ARFGAP3: variants seen among roughly 807,000 people sequenced by gnomAD.
ARFGAP3 encodes ARF GTPase activating protein 3.
In ARFGAP3, 72 loss-of-function variants were observed where a neutral mutation model predicts 75.0. The observed-to-expected ratio is 0.96, with a 90% CI of 0.79 to 1.17. The LOEUF is 1.17. Ranked by LOEUF, ARFGAP3 falls within the 50% of genes most tolerant of loss-of-function variation. The pLI is 0.00. For missense variants in ARFGAP3, 620 were observed against 626.6 expected, an observed-to-expected ratio of 0.99 and a Z score of 0.11; for synonymous variants, 221 against 217.9, an observed-to-expected ratio of 1.01 and a Z score of -0.13.
intron 1 of ARFGAP3, among the ~76,000 whole-genome samples, chr22:42,850,372 G>C (rs1927222431): frequency 2.6e-5 from 4 of 151,778 alleles, no homozygotes; most frequent in Admixed American, 2.6e-4. Context: ...AAGAGTTTGA[G>C]ACCAGCCTGG....
chr22:42,823,554 A>C, intron 8 of ARFGAP3, 102 bp downstream of exon 8: 2 of 848,088 alleles, frequency 2.4e-6, no homozygotes, highest in Non-Finnish European at 3.6e-6. Context: ...AGCTACATTT[A>C]TTACAAGATG....
intron 3 of ARFGAP3, among the ~76,000 whole-genome samples, chr22:42,836,834 C>G (rs1280820472): frequency 6.6e-6 from 1 of 152,144 alleles, no homozygotes; most frequent in Non-Finnish European, 1.5e-5. Flanking sequence ...CTACACTTTA[C>G]AGATGGGGAA....
At chr22:42,848,438 G>C (rs1927122344) in intron 1 of ARFGAP3, among the ~76,000 whole-genome samples, 1 of 152,132 alleles carries the variant, frequency 6.6e-6, no homozygotes, top group South Asian at 2.1e-4. Flanking sequence ...TCGATCTCCT[G>C]ACCTCGTGAT....
At chr22:42,816,353 CAAGT>C (rs1319579913) in intron 11 of ARFGAP3, among the ~76,000 whole-genome samples, 2 of 152,178 alleles carry the variant, frequency 1.3e-5, no homozygotes, top group Admixed American at 1.3e-4. Context: ...GCCTAGGTGA[CAAGT>C]AAGTGAAAGC....
Position 42,812,517 on chromosome 22 carries a change from A to G in ARFGAP3, c.1065-1573T>C, listed in dbSNP as rs866387816. 2.0e-5 allele frequency among the ~76,000 whole-genome samples: 3 copies of G among 152,342 alleles called. No individual in the cohort carries two copies. In the South Asian group the frequency reaches 6.2e-4, roughly 32 times the overall value. On this transcript the variant is annotated intron_variant, in intron 11 of 15. Transcript: ENST00000263245. ...AGGAGTTGCACAGAAGATGCAGATC[A>G]TAGGAGGTCAGAGGGGCCAGTAACC...
chr22:42,817,373 G>A, intron 10 of ARFGAP3, 109 bp from the exon 11 acceptor site: 2 of 1,411,156 alleles, frequency 1.4e-6, no homozygotes, highest in South Asian at 1.5e-5. Context: ...GTATTCGAGG[G>A]GTTAAAAACA....
At chr22:42,811,047 T>C in intron 11 of ARFGAP3, 103 bp from the exon 12 acceptor site, 6 of 1,506,520 alleles carry the variant, frequency 4.0e-6, no homozygotes, top group Admixed American at 2.3e-5. Context: ...TTGAAGTTAA[T>C]GGCAGTCACA....
At chr22:42,807,394 G>A (rs1184374390) in intron 13 of ARFGAP3, 4 of 345,346 alleles carry the variant, frequency 1.2e-5, no homozygotes, top group Admixed American at 6.4e-5. Context: ...CCTCAGCCAC[G>A]ATGGCCAGTG....
chr22:42,843,217 C>T (rs975011872), intron 2 of ARFGAP3, among the ~76,000 whole-genome samples: 6 of 152,192 alleles, frequency 3.9e-5, no homozygotes, highest in African/African-American at 1.4e-4. Flanking sequence ...CAGGAGTGAA[C>T]TTTTAGCTCC....
intron 14 of ARFGAP3, among the ~76,000 whole-genome samples, chr22:42,804,814 C>T (rs1198478628): frequency 6.6e-6 from 1 of 151,982 alleles, no homozygotes; most frequent in Non-Finnish European, 1.5e-5. Flanking sequence ...CCGTGCCTTG[C>T]CCAGAACAAG....
intron 5 of ARFGAP3, among the ~76,000 whole-genome samples, chr22:42,832,677 C>A (rs150902732): frequency 5.6e-4 from 85 of 152,240 alleles, no homozygotes; most frequent in African/African-American, 1.8e-3. Context: ...GAGGTAGGCA[C>A]ACGTTACCTT....
At chr22:42,849,813 C>T (rs182452735) in intron 1 of ARFGAP3, among the ~76,000 whole-genome samples, 199 of 152,100 alleles carry the variant, frequency 1.3e-3, no homozygotes, top group African/African-American at 4.5e-3. Context: ...TGGGCCCTCT[C>T]GGCCTCCCAA....
At chr22:42,832,967 A>G (rs967461132) in intron 5 of ARFGAP3, among the ~76,000 whole-genome samples, 11 of 152,114 alleles carry the variant, frequency 7.2e-5, no homozygotes, top group Non-Finnish European at 1.6e-4. Context: ...CCTGGGAAAC[A>G]AGAGGGAAAA....
chr22:42,857,121 G>C lies in ARFGAP3; in HGVS notation c.62C>G (p.Thr21Ser). ...TIFKRLRSVP[T>S]NKVCFDCGAK... ...CTCGCCCGCGGCCGCTACCTTGTTA[G>C]TGGGCACCGAGCGGAGGCGCTTGAA... Residue 21 changes from threonine to serine, a missense_variant, in exon 1 of 16, where the codon ACT becomes AGT. Coordinates refer to ENST00000263245, the MANE Select transcript of ARFGAP3 (RefSeq NM_014570.5). The C allele has an allele frequency of 6.6e-7, 1 of 1,514,842 alleles. No individual in the cohort carries two copies. The highest frequency in any genetic ancestry group is 8.8e-7 in the Non-Finnish European group (1 of 1,130,000). The allele number at this position is 1,514,842 out of a possible 1,614,324, so 93.8% of individuals were successfully genotyped here. A position where few individuals can be genotyped will look rare whatever the true frequency, so the allele number is the denominator to read the frequency against.
At chr22:42,845,993 G>C (rs891760368) in intron 2 of ARFGAP3, among the ~76,000 whole-genome samples, 1 of 140,774 alleles carries the variant, frequency 7.1e-6, no homozygotes, top group Non-Finnish European at 1.5e-5. Flanking sequence ...AGCTGAGATC[G>C]CGCCATTGCA....
In ARFGAP3 at chr22:42,797,448, T is replaced by TAAAA. The variant is rs1481395983; in HGVS notation, c.*136_*139dup. 3.7e-6 allele frequency: 4 copies of TAAAA among 1,086,014 alleles called. No individual in the cohort carries two copies. The highest frequency in any genetic ancestry group is 5.4e-6 in the Non-Finnish European group (4 of 735,486). The allele number at this position is 1,086,014 out of a possible 1,614,324, so 67.3% of individuals were successfully genotyped here. On this transcript the variant is annotated 3_prime_UTR_variant, in exon 16 of 16. Transcript: ENST00000263245. ...ACTCAGAATTTCTCAAAAGAAATAT[T>TAAAA]AAAAATCAGAAACATATACCATATG...
intron 2 of ARFGAP3, among the ~76,000 whole-genome samples, chr22:42,846,120 C>T (rs1025945475): frequency 2.0e-5 from 3 of 151,024 alleles, no homozygotes; most frequent in African/African-American, 2.4e-5. Context: ...TTAATAATCA[C>T]GTTCTATCAA....
At chr22:42,799,940 C>T (rs764979609) in intron 14 of ARFGAP3, among the ~76,000 whole-genome samples, 3 of 152,150 alleles carry the variant, frequency 2.0e-5, no homozygotes, top group Non-Finnish European at 4.4e-5. Flanking sequence ...GTTAGTGGCC[C>T]TAAGTTTTGT....
chr22:42,833,808 C>T (rs541263511), intron 5 of ARFGAP3, among the ~76,000 whole-genome samples: 3 of 152,252 alleles, frequency 2.0e-5, no homozygotes, highest in South Asian at 2.1e-4. Context: ...CCCAGCTACT[C>T]GGGAGGCTGA....
Sources: allele counts gnomAD v4.1 joint callset (sites outside exome capture counted in the v4.1 genomes callset), GRCh38; gene constraint gnomAD v4.1.1; transcripts MANE v1.5; gene names NCBI Gene and HGNC (gene_info 2026-07-23, HGNC 2026-07-21).